PDZD2: variants seen among roughly 807,000 people sequenced by gnomAD.
PDZD2 encodes PDZ domain-containing protein 2.
In PDZD2, 90 loss-of-function variants were observed where a neutral mutation model predicts 220.7. The ratio of observed to expected loss-of-function variants is 0.41; its 90% CI spans 0.34 to 0.49. PDZD2 has a LOEUF of 0.49. PDZD2 is among the 20% of genes least tolerant of loss of function. The pLI is 0.28. For synonymous variants in PDZD2, 1,375 were observed against 1,450.5 expected, an observed-to-expected ratio of 0.95 and a Z score of 1.18; for missense variants, 3,174 against 3,608.5, an observed-to-expected ratio of 0.88 and a Z score of 3.08.
intron 1 of PDZD2, among the ~76,000 whole-genome samples, chr5:31,698,355 G>A (rs1747463146): frequency 6.7e-5 from 10 of 150,224 alleles, no homozygotes; most frequent in Admixed American, 6.6e-4. Flanking sequence ...CAGCACTTTG[G>A]GAGGCCGAGG....
chr5:31,787,461 T>G (rs1031892133), intron 1 of PDZD2, among the ~76,000 whole-genome samples: 1 of 151,996 alleles, frequency 6.6e-6, no homozygotes, highest in African/African-American at 2.4e-5. Context: ...TTCATTAGGG[T>G]TTTTTGGCCT....
intron 18 of PDZD2, among the ~76,000 whole-genome samples, chr5:32,076,288 G>GAAAAAAAA (rs67898034): frequency 2.3e-4 from 20 of 87,894 alleles, no homozygotes; most frequent in South Asian, 3.3e-4. Flanking sequence ...TCGGTCTCAA[G>GAAAAAAAA]AAAAAAAAAA....
At chr5:31,802,646 C>T (rs140576650) in intron 2 of PDZD2, among the ~76,000 whole-genome samples, 94 of 152,246 alleles carry the variant, frequency 6.2e-4, no homozygotes, top group African/African-American at 1.5e-3. Flanking sequence ...ATGAGCCGTG[C>T]GCCGTGGCTC....
chr5:32,000,374 T>C lies in PDZD2; in HGVS notation c.1254+103T>C, dbSNP rs187390944. ...CACACACACAAAGACATGTGTGCACTTGTACGTTTGCCTTGGGCTATTGAA... is the reference window on the plus strand; with the variant it reads ...CACACACACAAAGACATGTGTGCACCTGTACGTTTGCCTTGGGCTATTGAA... On this transcript the variant is annotated intron_variant, in intron 5 of 24. Coordinates refer to ENST00000438447, the MANE Select transcript of PDZD2 (RefSeq NM_178140.4). This position sits in a 1 kb window ranked among gnomAD's most constrained non-coding sequence, Gnocchi z 4.5. 1.5e-3 allele frequency: 1,873 copies of C among 1,287,526 alleles called. 9 individuals are homozygous for C. The highest frequency in any genetic ancestry group is 1.9e-3 in the Non-Finnish European group (1,718 of 894,612). The allele number at this position is 1,287,526 out of a possible 1,614,324, so 79.8% of individuals were successfully genotyped here.
At chr5:31,896,686 T>C (rs975985846) in intron 2 of PDZD2, among the ~76,000 whole-genome samples, 4 of 152,206 alleles carry the variant, frequency 2.6e-5, no homozygotes, top group African/African-American at 7.2e-5. Flanking sequence ...GGCTGAGTGC[T>C]ATGGCTCATG....
At chr5:32,026,540 C>T (rs752177951) in intron 6 of PDZD2, among the ~76,000 whole-genome samples, 20 of 152,124 alleles carry the variant, frequency 1.3e-4, no homozygotes, top group South Asian at 6.2e-4. Context: ...CATGTGTATG[C>T]GTGCACGTGC....
In PDZD2 at chr5:31,735,743, G is replaced by A. The variant is rs149423293; in HGVS notation, c.-360-63146G>A. On this transcript the variant is annotated intron_variant, in intron 1 of 24. Transcript: ENST00000438447. ...GGGCAGATCACGAGGTCAAGAGATC[G>A]AGATCATCCTGGCCAACATGGTGAA... Among the ~76,000 whole-genome samples, 381 of 152,254 alleles carry A rather than the reference G, an allele frequency of 2.5e-3. 3 individuals carry two copies. The highest frequency in any genetic ancestry group is 8.7e-3 in the African/African-American group (362 of 41,556).
intron 1 of PDZD2, among the ~76,000 whole-genome samples, chr5:31,711,791 C>G: frequency 6.6e-6 from 1 of 152,232 alleles, no homozygotes; most frequent in East Asian, 1.9e-4. Flanking sequence ...CGAGGGTTAT[C>G]TGCAGCAGGC....
intron 1 of PDZD2, among the ~76,000 whole-genome samples, chr5:31,686,496 T>C (rs987413796): frequency 6.6e-6 from 1 of 152,036 alleles, no homozygotes; most frequent in South Asian, 2.1e-4. Flanking sequence ...TCCAGGTAGC[T>C]GGGATTACAG....
intron 2 of PDZD2, among the ~76,000 whole-genome samples, chr5:31,808,713 A>G (rs539931495): frequency 4.5e-4 from 69 of 152,330 alleles, no homozygotes; most frequent in Non-Finnish European, 7.6e-4. Context: ...ATAGTGGCTC[A>G]TGCCTGTAAT....
chr5:31,727,570 G>A (rs988356125), intron 1 of PDZD2, among the ~76,000 whole-genome samples: 1 of 151,860 alleles, frequency 6.6e-6, no homozygotes, highest in Non-Finnish European at 1.5e-5. Context: ...CATGGTGGTG[G>A]GCACCTGTAA....
At chr5:31,883,760 C>T (rs975424493) in intron 2 of PDZD2, among the ~76,000 whole-genome samples, 8 of 151,918 alleles carry the variant, frequency 5.3e-5, no homozygotes, top group East Asian at 1.9e-4. Flanking sequence ...TGCCACCATG[C>T]GGGGCTAATT....
chr5:31,688,048 C>A (rs999973619), intron 1 of PDZD2, among the ~76,000 whole-genome samples: 3 of 152,082 alleles, frequency 2.0e-5, no homozygotes, highest in African/African-American at 7.2e-5. Context: ...TTTTTTGAAT[C>A]TTTAGAAAGG....
At chr5:31,789,099 A>G (rs142724897) in intron 1 of PDZD2, among the ~76,000 whole-genome samples, 102 of 152,316 alleles carry the variant, frequency 6.7e-4, no homozygotes, top group African/African-American at 2.3e-3. Flanking sequence ...TCTCTCATGT[A>G]ATAAGAAGTC....
intron 1 of PDZD2, among the ~76,000 whole-genome samples, chr5:31,789,867 G>A (rs1753599941): frequency 6.6e-6 from 1 of 152,078 alleles, no homozygotes; most frequent in Non-Finnish European, 1.5e-5. Flanking sequence ...GCAGTGAGCT[G>A]AGATTGCACC....
chr5:31,955,327 G>C (rs1309926494), intron 2 of PDZD2, among the ~76,000 whole-genome samples: 1 of 151,590 alleles, frequency 6.6e-6, no homozygotes, highest in African/African-American at 2.4e-5. Flanking sequence ...TCGAGACGAA[G>C]TCTTGCTCTG....
chr5:31,913,812 T>C (rs904935963), intron 2 of PDZD2, among the ~76,000 whole-genome samples: 1 of 152,178 alleles, frequency 6.6e-6, no homozygotes. Context: ...TTAGTTTGCA[T>C]TTTTCTGGTA....
intron 2 of PDZD2, among the ~76,000 whole-genome samples, chr5:31,980,631 CTG>C (rs1750216453): frequency 6.6e-6 from 1 of 152,172 alleles, no homozygotes; most frequent in Non-Finnish European, 1.5e-5. Context: ...ATCTTACAAC[CTG>C]GCTACCTACT....
chr5:32,099,575 T>TA (rs1744060485), intron 23 of PDZD2: 2 of 152,258 alleles, frequency 1.3e-5, no homozygotes, highest in African/African-American at 4.8e-5. Flanking sequence ...CCCTCCTCAA[T>TA]ACAGGGAAAC....
Sources: allele counts gnomAD v4.1 joint callset (sites outside exome capture counted in the v4.1 genomes callset), GRCh38; gene constraint gnomAD v4.1.1; non-coding constraint Gnocchi (gnomAD v3.1); transcripts MANE v1.5; gene names NCBI Gene and HGNC (gene_info 2026-07-23, HGNC 2026-07-21).